The following CELF4 variants were observed in gnomAD, a reference collection of about 807,000 sequenced individuals.
The protein encoded by CELF4 is CUG-BP- and ETR-3-like factor 4.
A neutral mutation model predicts 59.9 loss-of-function variants in CELF4; 18 were observed. The observed-to-expected ratio is 0.30, with a 90% CI of 0.21 to 0.45. The LOEUF (loss-of-function observed/expected upper bound fraction) is 0.45. Ranked by LOEUF, CELF4 falls within the 20% of genes least tolerant of loss-of-function variation. The pLI, the probability that CELF4 is intolerant of heterozygous loss-of-function variation, is 1.00. For missense variants in CELF4, 456 were observed against 689.0 expected (o/e 0.66, Z 3.79); for synonymous variants, 261 against 267.1 (o/e 0.98, Z 0.22).
chr18:37,329,194 G>A (rs1415769211), intron 2 of CELF4, among the ~76,000 whole-genome samples: 3 of 152,168 alleles, frequency 2.0e-5, no homozygotes, highest in Non-Finnish European at 2.9e-5. Context: ...AGCTGGAAAC[G>A]CAAGCCAAAC....
intron 1 of CELF4, among the ~76,000 whole-genome samples, chr18:37,491,946 G>A (rs2099907089): frequency 6.6e-6 from 1 of 152,190 alleles, no homozygotes; most frequent in South Asian, 2.1e-4. Flanking sequence ...TGAAGTGAAG[G>A]AAGTACAATT....
At chr18:37,507,711 T>C (rs2099939674) in intron 1 of CELF4, among the ~76,000 whole-genome samples, 1 of 152,200 alleles carries the variant, frequency 6.6e-6, no homozygotes, top group Non-Finnish European at 1.5e-5. Flanking sequence ...GTCCCCTACT[T>C]CACTGTTTTC....
In CELF4 at chr18:37,551,487, G is replaced by A. The variant is rs545188289; in HGVS notation, c.286+13869C>T. Among the ~76,000 whole-genome samples, 15 of 152,306 alleles carry A rather than the reference G, an allele frequency of 9.8e-5. No homozygotes were observed. In the South Asian group the frequency reaches 3.1e-3, roughly 32 times the overall value. ...ATATTTTTCCAGCTGCAAGACCAGT[G>A]TCACCCCAGGAAACTGTCCTCAGCT... is the stretch of plus-strand genomic sequence containing the variant. On this transcript the variant is annotated intron_variant, in intron 1 of 12. Transcript: ENST00000420428.
intron 3 of CELF4, among the ~76,000 whole-genome samples, chr18:37,312,224 A>AG (rs2096698227): frequency 6.7e-6 from 1 of 149,838 alleles, no homozygotes; most frequent in Non-Finnish European, 1.5e-5. Flanking sequence ...AATGGCTGGA[A>AG]ATGCTAAAGC....
At chr18:37,328,650 C>G (rs2097419551) in intron 2 of CELF4, among the ~76,000 whole-genome samples, 1 of 152,208 alleles carries the variant, frequency 6.6e-6, no homozygotes, top group Non-Finnish European at 1.5e-5. Context: ...CCTTGCCCAC[C>G]TACTTGTGGA....
intron 2 of CELF4, among the ~76,000 whole-genome samples, chr18:37,449,509 A>G (rs564882104): frequency 1.3e-5 from 2 of 152,300 alleles, no homozygotes; most frequent in East Asian, 3.9e-4. Context: ...CCACTGAGTG[A>G]CAGGCCCTGT....
chr18:37,423,081 C>CACAG lies in CELF4; in HGVS notation c.369+62443_369+62444insCTGT, dbSNP rs767447762. 1.4e-3 allele frequency among the ~76,000 whole-genome samples: 191 copies of CACAG among 137,936 alleles called. 1 individual carries two copies. The highest frequency in any genetic ancestry group is 7.4e-3 in the Middle Eastern group (2 of 272). The allele number at this position is 137,936 out of a possible 152,430, so 90.5% of individuals were successfully genotyped here. On this transcript the variant is annotated intron_variant, in intron 2 of 12. Coordinates refer to ENST00000420428, the MANE Select transcript of CELF4 (RefSeq NM_020180.4). The stretch of plus-strand genomic sequence containing the variant: ...GCGCGCGCGCACACACACACACACA[C>CACAG]AGAGACAGAGAGAGAGAGAGAGACA...
At position 37,538,340 on chromosome 18, in the gene CELF4, GCT is replaced by G. The variant is rs1263810190; in HGVS notation, c.286+27014_286+27015del. 2.0e-5 allele frequency among the ~76,000 whole-genome samples: 3 copies of G among 152,148 alleles called. No individual in the cohort carries two copies. In the East Asian group the frequency reaches 5.8e-4, roughly 29 times the overall value. On this transcript the variant is annotated intron_variant, in intron 1 of 12. Coordinates refer to ENST00000420428, the MANE Select transcript of CELF4 (RefSeq NM_020180.4). Reference sequence around the variant, plus strand: ...GTCCAACCTCTCTGGACCTTGTTTTGCTCTCTGAAAGGTATCACCCATCTTCA... The same window carrying G: ...GTCCAACCTCTCTGGACCTTGTTTTGCTCTGAAAGGTATCACCCATCTTCA...
At chr18:37,376,671 C>T (rs2098973464) in intron 2 of CELF4, among the ~76,000 whole-genome samples, 1 of 152,240 alleles carries the variant, frequency 6.6e-6, no homozygotes, top group South Asian at 2.1e-4. Flanking sequence ...GGTCTGGCCT[C>T]ACCTTGGTGG....
chr18:37,547,287 C>T (rs1045236149), intron 1 of CELF4, among the ~76,000 whole-genome samples: 10 of 152,166 alleles, frequency 6.6e-5, no homozygotes, highest in African/African-American at 1.9e-4. Flanking sequence ...CTTGGGTGGA[C>T]GGCTGAGGGC....
intron 3 of CELF4, among the ~76,000 whole-genome samples, chr18:37,281,149 C>T (rs896647662): frequency 1.5e-4 from 23 of 152,210 alleles, no homozygotes; most frequent in African/African-American, 4.8e-4. Context: ...AAACCCCTAA[C>T]GGGGATGTTT....
At position 37,470,890 on chromosome 18, in the gene CELF4, C is replaced by CAGAGAGAG. The variant is rs142446683; in HGVS notation, c.369+14627_369+14634dup. Among the ~76,000 whole-genome samples, 189 of 94,976 alleles carry CAGAGAGAG rather than the reference C, an allele frequency of 2.0e-3. 1 individual carries two copies. The highest frequency in any genetic ancestry group is 5.5e-3 in the East Asian group (18 of 3,264). The allele number at this position is 94,976 out of a possible 152,430, so 62.3% of individuals were successfully genotyped here. ...TGTGTGTGTGTGTGTGTGTGTGTGA[C>CAGAGAGAG]AGAGAGAGAGAGAGAGAGAGAGAGA... is the stretch of plus-strand genomic sequence containing the variant. On this transcript the variant is annotated intron_variant, in intron 2 of 12. Transcript: ENST00000420428.
intron 1 of CELF4, among the ~76,000 whole-genome samples, chr18:37,504,725 G>A (rs1031550408): frequency 6.6e-6 from 1 of 152,118 alleles, no homozygotes; most frequent in African/African-American, 2.4e-5. Flanking sequence ...TTAGCACTAA[G>A]CACACATTTT....
intron 3 of CELF4, among the ~76,000 whole-genome samples, chr18:37,318,548 G>C (rs2096952693): frequency 6.6e-6 from 1 of 150,796 alleles, no homozygotes; most frequent in Non-Finnish European, 1.5e-5. Flanking sequence ...CTTGGTGATA[G>C]TGCTGACTCA....
chr18:37,546,134 G>GA (rs1384112381), intron 1 of CELF4, among the ~76,000 whole-genome samples: 1 of 152,106 alleles, frequency 6.6e-6, no homozygotes, highest in Non-Finnish European at 1.5e-5. Flanking sequence ...CATCTCTTCT[G>GA]TTTTTTACAT....
intron 2 of CELF4, among the ~76,000 whole-genome samples, chr18:37,422,547 GAGC>G (rs2099584485): frequency 6.6e-6 from 1 of 152,190 alleles, no homozygotes; most frequent in Non-Finnish European, 1.5e-5. Context: ...CTGGAGGAGG[GAGC>G]AGCTGTACCT....
At chr18:37,314,414 C>T (rs2096787404) in intron 3 of CELF4, among the ~76,000 whole-genome samples, 1 of 152,098 alleles carries the variant, frequency 6.6e-6, no homozygotes, top group Non-Finnish European at 1.5e-5. Context: ...TAGATAGCAC[C>T]ACTGCGCTCC....
At chr18:37,326,639 C>T (rs1367710632) in intron 2 of CELF4, among the ~76,000 whole-genome samples, 1 of 152,212 alleles carries the variant, frequency 6.6e-6, no homozygotes, top group East Asian at 1.9e-4. Context: ...TCCCTGGAGG[C>T]TCCTGGGGTC....
intron 2 of CELF4, among the ~76,000 whole-genome samples, chr18:37,360,098 C>T (rs889074506): frequency 6.6e-6 from 1 of 152,024 alleles, no homozygotes; most frequent in African/African-American, 2.4e-5. Flanking sequence ...GGCAATCCAC[C>T]CGCCTCGGCC....
Sources: gnomAD v4.1 joint callset for allele counts (sites outside exome capture counted in the v4.1 genomes callset) on GRCh38, gnomAD v4.1.1 for gene constraint, MANE v1.5 for transcripts, NCBI Gene and HGNC (gene_info 2026-07-23, HGNC 2026-07-21) for gene names.